Variants in C12orf42 observed in about 807,000 individuals in gnomAD.
C12orf42 encodes chromosome 12 open reading frame 42.
A neutral mutation model predicts 21.6 loss-of-function variants in C12orf42; 25 were observed. The ratio of observed to expected loss-of-function variants is 1.16; its 90% confidence interval spans 0.84 to 1.62. The LOEUF is 1.62. Ranked by LOEUF, C12orf42 falls within the 40% of genes most tolerant of loss-of-function variation. The pLI, the probability that C12orf42 is intolerant of heterozygous loss-of-function variation, is 0.00. For missense variants in C12orf42, 483 were observed against 459.3 expected (o/e 1.05, Z -0.47); for synonymous variants, 174 against 175.0 (o/e 0.99, Z 0.05).
intron 2 of C12orf42, among the ~76,000 whole-genome samples, chr12:103,460,654 G>A (rs976889990): frequency 6.6e-6 from 1 of 152,072 alleles, no homozygotes; most frequent in Non-Finnish European, 1.5e-5. Flanking sequence ...CTCAGCTTTG[G>A]GCACTTAGTA....
At chr12:103,103,010 T>G in the C12orf42 span, among the ~76,000 whole-genome samples, 1 of 152,186 alleles carries the variant, frequency 6.6e-6, no homozygotes, top group East Asian at 1.9e-4. Flanking sequence ...AGAGTTTATT[T>G]CTTCCAGACC....
chr12:103,535,177 G>T, the C12orf42 span, among the ~76,000 whole-genome samples: 14 of 152,164 alleles, frequency 9.2e-5, no homozygotes, highest in Admixed American at 9.2e-4. Flanking sequence ...TAGGGATAGA[G>T]AAGCTAAATC....
the C12orf42 span, among the ~76,000 whole-genome samples, chr12:103,216,102 C>G: frequency 1.3e-5 from 2 of 152,122 alleles, no homozygotes; most frequent in Non-Finnish European, 2.9e-5. Context: ...TTTGGACTCT[C>G]TGGCATACAT....
intron 10 of C12orf42, among the ~76,000 whole-genome samples, chr12:103,256,111 T>TATATACACACAC (rs1439188517): frequency 3.0e-5 from 1 of 33,852 alleles, no homozygotes; most frequent in Non-Finnish European, 5.3e-5. Context: ...TATATATATA[T>TATATACACACAC]ACACACACAC....
At chr12:103,156,563 T>C in the C12orf42 span, among the ~76,000 whole-genome samples, 4 of 152,130 alleles carry the variant, frequency 2.6e-5, no homozygotes, top group African/African-American at 4.8e-5. Flanking sequence ...GTTTGTTACA[T>C]AGGAAAATGT....
chr12:103,097,152 A>T, the C12orf42 span, among the ~76,000 whole-genome samples: 5 of 152,246 alleles, frequency 3.3e-5, no homozygotes, highest in African/African-American at 1.2e-4. Context: ...ATTGAAAATA[A>T]CTAACCTAAC....
At chr12:103,373,998 C>T (rs772960687) in intron 3 of C12orf42, among the ~76,000 whole-genome samples, 7 of 152,154 alleles carry the variant, frequency 4.6e-5, no homozygotes, top group Non-Finnish European at 1.0e-4. Context: ...ACCACTGAGG[C>T]ATATGCAATG....
chr12:103,492,001 G>C (rs1319628783), intron 1 of C12orf42, among the ~76,000 whole-genome samples: 1 of 152,028 alleles, frequency 6.6e-6, no homozygotes, highest in African/African-American at 2.4e-5. Context: ...CTGTCACCCA[G>C]GTTGGAGGGC....
intron 4 of C12orf42, among the ~76,000 whole-genome samples, chr12:103,279,262 G>A (rs907175208): frequency 6.6e-6 from 1 of 152,176 alleles, no homozygotes; most frequent in Non-Finnish European, 1.5e-5. Context: ...ATGGGCAGGA[G>A]GAAACTTGGA....
the C12orf42 span, among the ~76,000 whole-genome samples, chr12:103,546,108 G>A: frequency 6.6e-6 from 1 of 152,174 alleles, no homozygotes; most frequent in Admixed American, 6.5e-5. Flanking sequence ...GATTAGTGAG[G>A]GAAGTCGCCT....
At chr12:103,376,209 C>A (rs7316140) in intron 3 of C12orf42, among the ~76,000 whole-genome samples, 1 of 151,876 alleles carries the variant, frequency 6.6e-6, no homozygotes. Context: ...ATATATACTA[C>A]GGAATAATAT....
At chr12:103,190,081 G>A in the C12orf42 span, among the ~76,000 whole-genome samples, 2 of 152,072 alleles carry the variant, frequency 1.3e-5, no homozygotes, top group South Asian at 2.1e-4. Flanking sequence ...GCAAATTGGG[G>A]CAAAAGAGAA....
At chr12:103,067,052 G>A in the C12orf42 span, among the ~76,000 whole-genome samples, 1 of 152,182 alleles carries the variant, frequency 6.6e-6, no homozygotes. Context: ...GTGCCCAATT[G>A]CCAGCAGCAG....
chr12:103,397,784 T>A (rs913073406), intron 3 of C12orf42: 1 of 152,090 alleles, frequency 6.6e-6, no homozygotes, highest in African/African-American at 2.4e-5. Flanking sequence ...AGAGTAAGGA[T>A]AAAGAAAGGT....
At chr12:103,406,774 A>C (rs1348580688) in intron 2 of C12orf42, among the ~76,000 whole-genome samples, 1 of 152,184 alleles carries the variant, frequency 6.6e-6, no homozygotes, top group Non-Finnish European at 1.5e-5. Flanking sequence ...ATTTAGACAA[A>C]TGTGAAGAAT....
chr12:103,230,490 T>C, the C12orf42 span, among the ~76,000 whole-genome samples: 2 of 152,140 alleles, frequency 1.3e-5, no homozygotes, highest in African/African-American at 4.8e-5. Context: ...AGTATCAGGA[T>C]CCACTCACAC....
chr12:103,472,047 A>ATTTTTTTTTTTTTTT, intron 2 of C12orf42: 1 of 84,380 alleles, frequency 1.2e-5, no homozygotes, highest in African/African-American at 4.8e-5. Flanking sequence ...ATACAACTCA[A>ATTTTTTTTTTTTTTT]TTTTTTTTTT....
the C12orf42 span, among the ~76,000 whole-genome samples, chr12:103,223,971 C>A: frequency 1.3e-5 from 2 of 152,272 alleles, no homozygotes; most frequent in East Asian, 3.9e-4. Flanking sequence ...TACTAAGAGC[C>A]TGAAAAACTG....
At chr12:103,388,136 T>C (rs1164540089) in intron 3 of C12orf42, among the ~76,000 whole-genome samples, 5 of 152,330 alleles carry the variant, frequency 3.3e-5, no homozygotes, top group Middle Eastern at 3.4e-3. Flanking sequence ...GCGTGGAGCT[T>C]TGCAGGAGAA....
Sources: gnomAD v4.1 joint callset for allele counts (sites outside exome capture counted in the v4.1 genomes callset) on GRCh38, gnomAD v4.1.1 for gene constraint, MANE v1.5 for transcripts, NCBI Gene and HGNC (gene_info 2026-07-23, HGNC 2026-07-21) for gene names.